Variants in FAM193A observed in about 807,000 individuals in gnomAD.
FAM193A encodes family with sequence similarity 193 member A.
In FAM193A, 22 loss-of-function variants were observed where a neutral mutation model predicts 126.5. The observed-to-expected ratio is 0.17, with a 90% CI of 0.12 to 0.25. FAM193A has a LOEUF of 0.25. Among genes scored for constraint, FAM193A ranks in the 10% least tolerant of loss-of-function variants. FAM193A has a pLI of 1.00. For missense variants in FAM193A, 1,675 were observed against 1,672.8 expected (o/e 1.00, Z -0.02); for synonymous variants, 761 against 646.8 (o/e 1.18, Z -2.68).
intron 2 of FAM193A, among the ~76,000 whole-genome samples, chr4:2,614,729 G>A (rs943778330): frequency 3.3e-5 from 5 of 152,220 alleles, no homozygotes; most frequent in Non-Finnish European, 7.3e-5. Context: ...CAGTAAAGCT[G>A]TCTTGGTCTG....
At chr4:2,693,500 A>G (rs1202500856) in intron 15 of FAM193A, 86 bp from the exon 16 acceptor site, 1 of 1,256,754 alleles carries the variant, frequency 8.0e-7, no homozygotes, top group Non-Finnish European at 1.1e-6. Flanking sequence ...ATGAATGGGT[A>G]CTCTTTGTGT....
At chr4:2,549,894 A>G (rs190423881) in intron 1 of FAM193A, among the ~76,000 whole-genome samples, 30 of 148,472 alleles carry the variant, frequency 2.0e-4, no homozygotes, top group African/African-American at 7.3e-4. Context: ...CACCTGGCTA[A>G]TTTTTTGTAT....
At chr4:2,628,566 G>A (rs1743207592) in intron 4 of FAM193A, among the ~76,000 whole-genome samples, 1 of 152,250 alleles carries the variant, frequency 6.6e-6, no homozygotes, top group Middle Eastern at 3.4e-3. Context: ...AAGCCCAGGA[G>A]TTCGGTGCTG....
chr4:2,716,864 C>G (rs1169444393), intron 20 of FAM193A, among the ~76,000 whole-genome samples: 1 of 152,038 alleles, frequency 6.6e-6, no homozygotes, highest in Admixed American at 6.6e-5. Flanking sequence ...TCAGTAGAGA[C>G]AGGGTTTCAC....
chr4:2,669,180 G>A (rs1713504792), intron 12 of FAM193A, among the ~76,000 whole-genome samples: 1 of 152,194 alleles, frequency 6.6e-6, no homozygotes, highest in Non-Finnish European at 1.5e-5. Context: ...TAGCTGGCTA[G>A]TCATTTCTGG....
chr4:2,609,459 T>C (rs1296829715), intron 2 of FAM193A, among the ~76,000 whole-genome samples: 2 of 152,178 alleles, frequency 1.3e-5, no homozygotes, highest in East Asian at 1.9e-4. Flanking sequence ...TTCAAGGCTG[T>C]TTTAGACTCC....
intron 18 of FAM193A, among the ~76,000 whole-genome samples, chr4:2,698,054 G>GA (rs1717241727): frequency 1.3e-5 from 2 of 152,218 alleles, no homozygotes; most frequent in South Asian, 4.1e-4. Flanking sequence ...CCCACCTCGA[G>GA]GGACCACCTC....
At chr4:2,636,998 G>A (rs920983771) in intron 5 of FAM193A, among the ~76,000 whole-genome samples, 1 of 152,170 alleles carries the variant, frequency 6.6e-6, no homozygotes, top group African/African-American at 2.4e-5. Flanking sequence ...ACAGGATAAT[G>A]AGTCATATTT....
At chr4:2,712,132 C>A (rs1408695859) in intron 19 of FAM193A, among the ~76,000 whole-genome samples, 1 of 151,990 alleles carries the variant, frequency 6.6e-6, no homozygotes, top group Non-Finnish European at 1.5e-5. Flanking sequence ...TTTTGTAACT[C>A]CTCCATGTGT....
chr4:2,635,808 G>C (rs1744028383), intron 5 of FAM193A, among the ~76,000 whole-genome samples: 1 of 152,152 alleles, frequency 6.6e-6, no homozygotes, highest in Admixed American at 6.5e-5. Flanking sequence ...AAAGTTTTGG[G>C]ATTATGGGCG....
intron 19 of FAM193A, among the ~76,000 whole-genome samples, chr4:2,704,086 A>T (rs1316775621): frequency 6.7e-6 from 1 of 149,908 alleles, no homozygotes; most frequent in Non-Finnish European, 1.5e-5. Context: ...GCCAACATGA[A>T]ACCCCGTCTC....
intron 12 of FAM193A, among the ~76,000 whole-genome samples, chr4:2,668,796 C>G (rs1713441709): frequency 6.6e-6 from 1 of 151,586 alleles, no homozygotes; most frequent in Admixed American, 6.6e-5. Context: ...CTCTCTCTCT[C>G]TTTCTCTCTC....
intron 1 of FAM193A, among the ~76,000 whole-genome samples, chr4:2,538,633 TG>T (rs1737035784): frequency 7.9e-6 from 1 of 126,556 alleles, no homozygotes; most frequent in Admixed American, 1.0e-4. Flanking sequence ...CTTGAGCGTT[TG>T]GATCTTTGGG....
intron 1 of FAM193A, among the ~76,000 whole-genome samples, chr4:2,571,035 C>T (rs1429947056): frequency 1.3e-5 from 2 of 152,150 alleles, no homozygotes; most frequent in Non-Finnish European, 2.9e-5. Context: ...TGCTGTGGCT[C>T]TCTCCCTATG....
chr4:2,690,930 C>T lies in FAM193A; in HGVS notation c.2763C>T (p.Asn921=), dbSNP rs764693061. The change falls in exon 15 of 21, where the codon AAC becomes AAT. Residue 921 remains asparagine, a synonymous_variant. Transcript: ENST00000637812. Reference sequence around the variant, plus strand: ...CAGCTACCACAGTGCAGTCCAGCAACAGCCAGTTCAGAGTGTCATCCAAGA... The same window carrying T: ...CAGCTACCACAGTGCAGTCCAGCAATAGCCAGTTCAGAGTGTCATCCAAGA... ...SCTATTVQSS[N]SQFRVSSKRP... 8 of 1,614,172 alleles carry T rather than the reference C, an allele frequency of 5.0e-6. No homozygotes were observed. Among genetic ancestry groups the T allele is most frequent in the Non-Finnish European group, 5.9e-6 (7 of 1,180,002 alleles).
intron 5 of FAM193A, among the ~76,000 whole-genome samples, chr4:2,634,031 T>C (rs143251857): frequency 3.3e-4 from 51 of 152,312 alleles, no homozygotes; most frequent in Admixed American, 1.6e-3. Flanking sequence ...TGTGGGTATT[T>C]CTTCTGATCC....
chr4:2,730,213 TCTC>T (rs111880475), intron 20 of FAM193A, among the ~76,000 whole-genome samples: 10,072 of 152,148 alleles, frequency 0.066, 578 homozygotes, highest in African/African-American at 0.15. Flanking sequence ...CAGCTTCAGA[TCTC>T]CTCTTTGGTG....
Position 2,700,258 on chromosome 4 carries a change from G to C in FAM193A, c.4086G>C (p.Glu1362Asp), listed in dbSNP as rs1717558958. 1 of 1,613,960 alleles carries C rather than the reference G, an allele frequency of 6.2e-7. No homozygotes were observed. The highest frequency in any genetic ancestry group is 1.1e-5 in the South Asian group (1 of 91,090). The change falls in exon 19 of 21, where the codon GAG (glutamate) becomes GAC (aspartate). Residue 1362 changes from glutamate to aspartate, a missense_variant. Around this residue, in one of 4 missense-constraint regions of FAM193A, gnomAD observed 415 missense variants for 396.7 expected, o/e 1.05. Transcript: ENST00000637812. ...CCACAGAGCCCCCCAAGGCCACAGA[G>C]GGGCAGTCCAAGCCCCGGGCCCAGA... Reference protein sequence around the residue: ...RRPTEPPKATEGQSKPRAQTE... With the variant: ...RRPTEPPKATDGQSKPRAQTE...
intron 10 of FAM193A, among the ~76,000 whole-genome samples, chr4:2,661,546 TGGG>T (rs1281244702): frequency 1.3e-5 from 2 of 152,198 alleles, no homozygotes; most frequent in African/African-American, 2.4e-5. Flanking sequence ...CCAGGTGCAG[TGGG>T]CCTGCAGGAA....
Sources: gnomAD v4.1 joint callset for allele counts (sites outside exome capture counted in the v4.1 genomes callset) on GRCh38, gnomAD v4.1.1 for gene constraint, gnomAD v4.1.1 regional missense constraint, MANE v1.5 for transcripts, NCBI Gene and HGNC (gene_info 2026-07-23, HGNC 2026-07-21) for gene names.